DNM3: variants seen among roughly 807,000 people sequenced by gnomAD.
DNM3 encodes the protein dynamin-3.
DNM3 carries 47 observed loss-of-function variants against 101.6 expected under a neutral mutation model. That is an observed-to-expected ratio of 0.46 (90% CI 0.37 to 0.59). The LOEUF is 0.59. Ranked by LOEUF, DNM3 falls within the 20% of genes least tolerant of loss-of-function variation. The pLI is 0.00. For synonymous variants in DNM3, 385 were observed against 387.9 expected, an observed-to-expected ratio of 0.99 and a Z score of 0.09; for missense variants, 849 against 1,085.7, an observed-to-expected ratio of 0.78 and a Z score of 3.06.
intron 1 of DNM3, among the ~76,000 whole-genome samples, chr1:171,920,227 G>T (rs948522576): frequency 8.5e-5 from 13 of 152,074 alleles, no homozygotes; most frequent in African/African-American, 3.1e-4. Context: ...TAAACACTTG[G>T]GTTTTGGAGC....
chr1:172,033,187 G>A lies in DNM3; in HGVS notation c.771G>A (p.Lys257=), dbSNP rs753219737. Residue 257 remains lysine (K), a synonymous_variant, in exon 6 of 21, where the codon AAG becomes AAA. Coordinates refer to ENST00000627582, the MANE Select transcript of DNM3 (RefSeq NM_015569.5). ...AGGCAGCCATGCTGGCAGAGAGGAA[G>A]TTTTTCCTTTCCCACCCGGCTTACA... ...DIKAAMLAER[K]FFLSHPAYRH... is the part of the protein sequence containing the mutation. The A allele has an allele frequency of 6.2e-7, 1 of 1,610,500 alleles. No homozygotes were observed. Among genetic ancestry groups the A allele is most frequent in the South Asian group, 1.1e-5 (1 of 90,174 alleles).
chr1:172,394,868 G>C (rs2069841008), intron 20 of DNM3, among the ~76,000 whole-genome samples: 1 of 152,112 alleles, frequency 6.6e-6, no homozygotes, highest in Non-Finnish European at 1.5e-5. Flanking sequence ...CTCAAAGAAA[G>C]GGGGGTTTAA....
intron 15 of DNM3, among the ~76,000 whole-genome samples, chr1:172,277,837 G>C (rs1234230172): frequency 6.6e-6 from 1 of 151,994 alleles, no homozygotes; most frequent in Non-Finnish European, 1.5e-5. Context: ...AGAATAAGAA[G>C]CCTTGAATAA....
chr1:172,283,184 T>C (rs1003440207), intron 15 of DNM3, among the ~76,000 whole-genome samples: 1 of 152,318 alleles, frequency 6.6e-6, no homozygotes, highest in African/African-American at 2.4e-5. Context: ...TCCATATTGC[T>C]TCAGACAGTA....
rs1164464197 is a variant in DNM3, at chr1:171,912,105, C to G, written c.162-9643C>G. Reference sequence around the variant, plus strand: ...TTTCCACATGCATTTCTTTTAGAAACTCTGCAGGAAGGGGTGGCTAACAGA... The same window carrying G: ...TTTCCACATGCATTTCTTTTAGAAAGTCTGCAGGAAGGGGTGGCTAACAGA... On this transcript the variant is annotated intron_variant, in intron 1 of 20. Coordinates refer to ENST00000627582, the MANE Select transcript of DNM3 (RefSeq NM_015569.5). Among the ~76,000 whole-genome samples the G allele has an allele frequency of 2.0e-5, 3 of 152,224 alleles. No homozygotes were observed. In the East Asian group the frequency reaches 5.8e-4, roughly 29 times the overall value.
intron 13 of DNM3, among the ~76,000 whole-genome samples, chr1:172,110,951 C>G (rs1395439819): frequency 6.6e-6 from 1 of 152,142 alleles, no homozygotes; most frequent in Admixed American, 6.5e-5. Context: ...TGGAAGGATC[C>G]CCTGAGCCGG....
At chr1:172,278,503 C>A (rs1051032806) in intron 15 of DNM3, among the ~76,000 whole-genome samples, 8 of 152,224 alleles carry the variant, frequency 5.3e-5, no homozygotes, top group Middle Eastern at 3.4e-3. Flanking sequence ...CCATCCTGGG[C>A]CTCATGCAGC....
At chr1:172,096,351 G>A (rs575361710) in intron 13 of DNM3, among the ~76,000 whole-genome samples, 1 of 152,322 alleles carries the variant, frequency 6.6e-6, no homozygotes, top group South Asian at 2.1e-4. Flanking sequence ...ATTAACATTT[G>A]TGGAGAAAGG....
chr1:172,273,904 C>T (rs1039667530), intron 15 of DNM3, among the ~76,000 whole-genome samples: 2 of 151,974 alleles, frequency 1.3e-5, no homozygotes, highest in African/African-American at 2.4e-5. Flanking sequence ...TTATGCAATA[C>T]GTGATATAAT....
intron 4 of DNM3, among the ~76,000 whole-genome samples, chr1:172,027,625 G>C (rs1460959085): frequency 6.3e-5 from 9 of 143,238 alleles, no homozygotes; most frequent in Middle Eastern, 6.4e-3. Context: ...CACAGAGAGA[G>C]AGAAATTGGA....
chr1:172,210,063 T>A (rs1243592406), intron 14 of DNM3, among the ~76,000 whole-genome samples: 1 of 152,050 alleles, frequency 6.6e-6, no homozygotes, highest in African/African-American at 2.4e-5. Context: ...TGAAATATGT[T>A]GACATAGACT....
intron 14 of DNM3, among the ~76,000 whole-genome samples, chr1:172,143,244 A>AC (rs2057685211): frequency 6.6e-6 from 1 of 152,172 alleles, no homozygotes; most frequent in East Asian, 1.9e-4. Flanking sequence ...TTGTTCAGGA[A>AC]CCACTGTAAC....
intron 6 of DNM3, among the ~76,000 whole-genome samples, chr1:172,034,083 C>G (rs2048798001): frequency 6.6e-6 from 1 of 152,108 alleles, no homozygotes; most frequent in South Asian, 2.1e-4. Context: ...TGATTCTTAG[C>G]TCCTGGAAAG....
intron 1 of DNM3, among the ~76,000 whole-genome samples, chr1:171,892,112 G>A (rs894322440): frequency 2.6e-5 from 4 of 151,994 alleles, no homozygotes; most frequent in Non-Finnish European, 5.9e-5. Flanking sequence ...AACTGTTCCC[G>A]TGGGAGCTCT....
At chr1:172,287,071 C>T (rs952199708) in intron 15 of DNM3, among the ~76,000 whole-genome samples, 1 of 152,196 alleles carries the variant, frequency 6.6e-6, no homozygotes, top group Non-Finnish European at 1.5e-5. Context: ...TCAGCCAGTC[C>T]TCCTCTTTTG....
chr1:172,407,240 T>C (rs1027084508), intron 20 of DNM3, among the ~76,000 whole-genome samples: 1 of 152,012 alleles, frequency 6.6e-6, no homozygotes, highest in Non-Finnish European at 1.5e-5. Flanking sequence ...CTATTTACAC[T>C]TGCTACAGAG....
At position 172,407,950 on chromosome 1, in the gene DNM3, C is replaced by G; in HGVS notation, c.*109C>G. 6.3e-7 allele frequency: 1 copy of G among 1,583,236 alleles called. No individual in the cohort carries two copies. The highest frequency in any genetic ancestry group is 8.6e-7 in the Non-Finnish European group (1 of 1,162,350). ...AGTCGCATGTGTGGACATCAGTAGG[C>G]AAGTAACCAGTTTTACTAATGCATT... On this transcript the variant is annotated 3_prime_UTR_variant, in exon 21 of 21. Transcript: ENST00000627582.
At chr1:172,156,013 T>G (rs2058324013) in intron 14 of DNM3, among the ~76,000 whole-genome samples, 1 of 152,082 alleles carries the variant, frequency 6.6e-6, no homozygotes, top group Non-Finnish European at 1.5e-5. Context: ...GTGAATGTTA[T>G]TTATCATTTG....
intron 2 of DNM3, among the ~76,000 whole-genome samples, chr1:171,960,509 G>A (rs184611165): frequency 1.3e-5 from 2 of 152,188 alleles, no homozygotes; most frequent in East Asian, 3.9e-4. Context: ...TGAAAGGTGC[G>A]GACTTTAAGA....
Sources: allele counts gnomAD v4.1 joint callset (sites outside exome capture counted in the v4.1 genomes callset), GRCh38; gene constraint gnomAD v4.1.1; transcripts MANE v1.5; gene names NCBI Gene and HGNC (gene_info 2026-07-23, HGNC 2026-07-21).